SYNE2: variants seen among roughly 807,000 people sequenced by gnomAD.
The protein encoded by SYNE2 is spectrin repeat containing nuclear envelope protein 2.
SYNE2 carries 431 observed loss-of-function variants against 856.3 expected under a neutral mutation model. The ratio of observed to expected loss-of-function variants is 0.50; its 90% CI spans 0.47 to 0.55. The LOEUF (loss-of-function observed/expected upper bound fraction) is 0.55. Among genes scored for constraint, SYNE2 ranks in the 20% least tolerant of loss-of-function variants. The probability of loss-of-function intolerance (pLI) is 0.00; values close to 1 mark genes in which losing one functional copy is unlikely to be tolerated. For synonymous variants in SYNE2, 2,923 were observed against 2,872.3 expected, an observed-to-expected ratio of 1.02 and a Z score of -0.56; for missense variants, 8,129 against 8,023.2, an observed-to-expected ratio of 1.01 and a Z score of -0.50.
At chr14:64,100,531 AATAT>A (rs1204839640) in intron 63 of SYNE2, among the ~76,000 whole-genome samples, 564 of 39,308 alleles carry the variant, frequency 0.014, 16 homozygotes, top group East Asian at 0.087. Flanking sequence ...AAAAAAAAAA[AATAT>A]ATATATATAT....
chr14:64,064,833 T>C (rs1043333373), intron 50 of SYNE2, among the ~76,000 whole-genome samples: 1 of 149,800 alleles, frequency 6.7e-6, no homozygotes, highest in Non-Finnish European at 1.5e-5. Flanking sequence ...CATGAGCCAC[T>C]GTGCCCAGCC....
chr14:64,210,146 T>A (rs1364375236), intron 103 of SYNE2, 22 bp downstream of exon 103: 1 of 1,611,320 alleles, frequency 6.2e-7, no homozygotes, highest in Non-Finnish European at 8.5e-7. Flanking sequence ...TGCACCTGGC[T>A]CGGGTGTAGA....
At chr14:64,067,372 A>G (rs2097365730) in intron 51 of SYNE2, among the ~76,000 whole-genome samples, 1 of 152,244 alleles carries the variant, frequency 6.6e-6, no homozygotes, top group Non-Finnish European at 1.5e-5. Flanking sequence ...AACTTGCTCA[A>G]ATTCACAAGG....
chr14:64,214,541 G>T, intron 106 of SYNE2, 71 bp downstream of exon 106: 6 of 1,457,452 alleles, frequency 4.1e-6, no homozygotes, highest in Non-Finnish European at 5.6e-6. Context: ...TAGCAACACG[G>T]CCAGCTCTCA....
rs772797376 is a variant in SYNE2 at position 64,087,784 on chromosome 14, G to A, written c.11598G>A (p.Glu3866=). 10 of 1,613,996 alleles carry A rather than the reference G, an allele frequency of 6.2e-6. No individual in the cohort carries two copies. The East Asian group carries it at 2.0e-4, about 32-fold the overall frequency. The change falls in exon 58 of 116, where the codon GAG becomes GAA. Residue 3866 remains glutamate, a synonymous_variant. Transcript: ENST00000555002. ...ETDELTQSIQ[E]LSNQVTALQQ... is the part of the protein sequence containing the mutation. ...ATGAATTAACCCAATCCATACAAGA[G>A]TTAAGTAATCAAGTAACAGCTTTAC... is the stretch of plus-strand genomic sequence containing the variant.
At chr14:64,034,401 C>T (rs770444753) in intron 45 of SYNE2, 18 of 421,560 alleles carry the variant, frequency 4.3e-5, no homozygotes, top group Non-Finnish European at 6.3e-5. Context: ...TCCAGAGAGG[C>T]TTTTATCAGA....
intron 51 of SYNE2, among the ~76,000 whole-genome samples, chr14:64,069,936 C>G (rs570777526): frequency 2.1e-4 from 32 of 152,260 alleles, no homozygotes; most frequent in Admixed American, 1.0e-3. Flanking sequence ...ATCACTGAGG[C>G]AGGATTTGAT....
intron 50 of SYNE2, among the ~76,000 whole-genome samples, chr14:64,064,853 CT>C (rs34550127): frequency 0.89 from 110,610 of 123,740 alleles, 49,433 homozygotes; most frequent in Non-Finnish European, 0.93. Context: ...CACTTATAGA[CT>C]TTTTTTTTTT....
At chr14:64,023,804 A>G (rs904633453) in intron 38 of SYNE2, 3 of 234,398 alleles carry the variant, frequency 1.3e-5, no homozygotes, top group Non-Finnish European at 2.5e-5. Flanking sequence ...CTTTACTGAT[A>G]GAATCACCCC....
rs187297495 is a variant in SYNE2 at position 63,815,139 on chromosome 14, T to C, written c.-304-37362T>C. Among the ~76,000 whole-genome samples the C allele has an allele frequency of 2.5e-4, 33 of 131,048 alleles. 1 individual carries two copies. The highest frequency in any genetic ancestry group is 8.9e-4 in the African/African-American group (31 of 34,736). The allele number at this position is 131,048 out of a possible 152,430, so 86.0% of individuals were successfully genotyped here. On this transcript the variant is annotated intron_variant, in intron 1 of 23. Coordinates refer to the SYNE2 transcript ENST00000674003. ...CCATATATATCCACATATATATCCA[T>C]ATATATACACATATATATCCATATA...
chr14:64,093,820 A>G lies in SYNE2; in HGVS notation c.12108+340A>G, dbSNP rs192314574. ...TTAATGGAGGGCTTTTTAAGTGCCC[A>G]TGGCCTCAGCTTGAAGCATTTTGAT... On this transcript the variant is annotated intron_variant, in intron 61 of 115. Coordinates refer to ENST00000555002, the MANE Select transcript of SYNE2 (RefSeq NM_182914.3). 5.6e-3 allele frequency among the ~76,000 whole-genome samples: 848 copies of G among 152,294 alleles called. 8 individuals carry two copies. Among genetic ancestry groups the G allele is most frequent in the Middle Eastern group, 0.024 (7 of 294 alleles).
At chr14:63,911,656 A>G (rs755128679) in intron 2 of SYNE2, among the ~76,000 whole-genome samples, 3 of 152,098 alleles carry the variant, frequency 2.0e-5, no homozygotes, top group Non-Finnish European at 4.4e-5. Context: ...ATTGTACCAT[A>G]CCCTCTTTGT....
In SYNE2 at chr14:64,051,743, G is replaced by A. The variant is rs371302175; in HGVS notation, c.7830G>A (p.Val2610=). The A allele has an allele frequency of 5.5e-5, 88 of 1,614,060 alleles. No individual in the cohort carries two copies. Among genetic ancestry groups the A allele is most frequent in the Non-Finnish European group, 7.1e-5 (84 of 1,180,032 alleles). Residue 2610 remains valine, a synonymous_variant, in exon 48 of 116, where the codon GTG becomes GTA. Transcript: ENST00000555002. ...AACTTGAACATGGTTGGGAACAAGT[G>A]GAACAGCAGATTCAAAAGAAGTATT... The part of the protein sequence containing the change: ...IKQLEHGWEQ[V]EQQIQKKYSQ...
At chr14:63,919,467 A>C (rs1369111138) in intron 2 of SYNE2, among the ~76,000 whole-genome samples, 2 of 152,194 alleles carry the variant, frequency 1.3e-5, no homozygotes, top group Non-Finnish European at 2.9e-5. Flanking sequence ...TGTTGAATTC[A>C]TGGAGCCAAA....
intron 27 of SYNE2, 39 bp downstream of exon 27, chr14:63,999,079 T>A: frequency 6.3e-7 from 1 of 1,593,918 alleles, no homozygotes; most frequent in Non-Finnish European, 8.6e-7. Flanking sequence ...TTATCTTGTT[T>A]ATTAGAAAAT....
Position 64,163,288 on chromosome 14 carries a change from C to T in SYNE2, c.16300-114C>T, listed in dbSNP as rs2098342684. On this transcript the variant is annotated intron_variant, in intron 88 of 115. Transcript: ENST00000555002. ...TTTAAAATAAATAATAACAAAAGATCATGCCTACGTTTTCAGGGCAAATAT... is the reference window on the plus strand; with the variant it reads ...TTTAAAATAAATAATAACAAAAGATTATGCCTACGTTTTCAGGGCAAATAT... 12 of 1,173,008 alleles carry T rather than the reference C, an allele frequency of 1.0e-5. No individual in the cohort carries two copies. In the East Asian group the frequency reaches 2.7e-4, roughly 27 times the overall value. The allele number at this position is 1,173,008 out of a possible 1,614,324, so 72.7% of individuals were successfully genotyped here.
intron 72 of SYNE2, 27 bp from the exon 73 acceptor site, chr14:64,126,571 C>G (rs769260569): frequency 1.9e-6 from 3 of 1,614,060 alleles, no homozygotes; most frequent in Admixed American, 1.7e-5. Flanking sequence ...AGAGCTCATT[C>G]ATTGTCTTCC....
intron 1 of SYNE2, among the ~76,000 whole-genome samples, chr14:63,805,543 A>ACGCC (rs905846242): frequency 6.6e-6 from 1 of 151,914 alleles, no homozygotes; most frequent in Non-Finnish European, 1.5e-5. Context: ...GCCCGCCACC[A>ACGCC]CGCCCGGCTA....
chr14:64,189,097 G>A (rs2098505589), intron 98 of SYNE2: 5 of 646,436 alleles, frequency 7.7e-6, no homozygotes, highest in South Asian at 5.3e-5. Flanking sequence ...ACTTTGGGAG[G>A]CCAAGGCGGG....
Sources: gnomAD v4.1 joint callset for allele counts (sites outside exome capture counted in the v4.1 genomes callset) on GRCh38, gnomAD v4.1.1 for gene constraint, MANE v1.5 for transcripts, NCBI Gene and HGNC (gene_info 2026-07-23, HGNC 2026-07-21) for gene names.